The following SCML1 variants were observed in gnomAD, a reference collection of about 807,000 sequenced individuals.
SCML1 encodes Scm polycomb group protein like 1, also known as sex comb on midleg-like protein 1.
For synonymous variants in SCML1, 104 were observed against 103.6 expected, an observed-to-expected ratio of 1.00 and a Z score of -0.02; for missense variants, 137 against 258.1, an observed-to-expected ratio of 0.53 and a Z score of 3.22.
intron 6 of SCML1, among the ~76,000 whole-genome samples, 191 bp from the exon 7 acceptor site, chrX:17,751,624 A>G (rs1213738823): frequency 1.8e-5 from 2 of 112,162 alleles, no homozygotes; most frequent in African/African-American, 6.5e-5. Context: ...ACTCTTGTGT[A>G]GGCATCCCCA....
chrX:17,754,086 A>G lies in SCML1; in HGVS notation c.*694A>G, dbSNP rs2066740204. On this transcript the variant is annotated 3_prime_UTR_variant, in exon 8 of 8. Coordinates refer to ENST00000380041, the MANE Select transcript of SCML1 (RefSeq NM_001037540.3). ...AGGGTGGTTTGGATGAAGTCTGACT[A>G]CTTTTTTTCAAACAAACTATTATAT... 8.9e-6 allele frequency: 1 copy of G among 111,831 alleles called. No individual in the cohort carries two copies. The highest frequency in any genetic ancestry group is 3.2e-5 in the African/African-American group (1 of 30,803). 9.2% of individuals were successfully genotyped at this position (111,831 alleles called of 1,213,427 possible). A position where few individuals can be genotyped will look rare whatever the true frequency, so the allele number is the denominator to read the frequency against.
intron 4 of SCML1, 38 bp from the exon 5 acceptor site, chrX:17,749,362 T>C (rs760683397): frequency 6.6e-6 from 5 of 762,513 alleles, no homozygotes; most frequent in South Asian, 5.6e-5. Flanking sequence ...ATATTTTACA[T>C]TGTATACCAA....
chrX:17,754,406 T>A lies in SCML1; in HGVS notation c.*1014T>A, dbSNP rs2066743473. On this transcript the variant is annotated 3_prime_UTR_variant, in exon 8 of 8. Transcript: ENST00000380041. Reference sequence around the variant, plus strand: ...GATTATTTGCCATCATTAGTACCTCTCAACTTACTTTTTAGAGGACAAGAA... The same window carrying A: ...GATTATTTGCCATCATTAGTACCTCACAACTTACTTTTTAGAGGACAAGAA... The A allele has an allele frequency of 9.0e-6, 1 of 110,558 alleles. No individual in the cohort carries two copies. The highest frequency in any genetic ancestry group is 9.6e-5 in the Admixed American group (1 of 10,407). The allele number at this position is 110,558 out of a possible 1,213,427, so 9.1% of individuals were successfully genotyped here. A position where few individuals can be genotyped will look rare whatever the true frequency, so the allele number is the denominator to read the frequency against.
In SCML1 at chrX:17,750,254, A is replaced by C. The variant is rs772306817; in HGVS notation, c.664A>C (p.Thr222Pro). The change falls in exon 6 of 8, where the codon ACT becomes CCT. Residue 222 changes from threonine (T) to proline (P), a missense_variant. Physicochemically the swap from Thr to Pro is conservative, Grantham distance 38 (BLOSUM62 -1). Transcript: ENST00000380041. ...CCCTCGGGCTGACAGCATCCACAAC[A>C]CTTACTCAACTGACCATGCTTCTGC... The part of the protein sequence containing the change: ...GNPRADSIHN[T>P]YSTDHASAAP... 1 of 1,209,422 alleles carries C rather than the reference A, an allele frequency of 8.3e-7. No individual in the cohort carries two copies. Among genetic ancestry groups the C allele is most frequent in the Non-Finnish European group, 1.1e-6 (1 of 894,300 alleles).
In SCML1 at chrX:17,753,775, G is replaced by C. The variant is rs2066737680; in HGVS notation, c.*383G>C. On this transcript the variant is annotated 3_prime_UTR_variant, in exon 8 of 8. Transcript: ENST00000380041. ...ATCAGGGTTGACAACTCCTATGATT[G>C]AATCTATGGGAATTATTCCTCAGAA... 9.0e-6 allele frequency: 1 copy of C among 111,158 alleles called. No homozygotes were observed. The highest frequency in any genetic ancestry group is 3.3e-5 in the African/African-American group (1 of 30,516). 9.2% of individuals were successfully genotyped at this position (111,158 alleles called of 1,213,427 possible).
At chrX:17,747,693 C>T (rs61124865) in intron 4 of SCML1, among the ~76,000 whole-genome samples, 1,327 of 111,920 alleles carry the variant, frequency 0.012, 16 homozygotes, top group African/African-American at 0.041. Flanking sequence ...ACCTGTGTCA[C>T]GCCACTGGTA....
intron 1 of SCML1, 22 bp downstream of exon 1, chrX:17,737,702 C>A (rs1271536036): frequency 9.0e-6 from 1 of 111,199 alleles, no homozygotes; most frequent in Non-Finnish European, 1.9e-5. Flanking sequence ...CGTACTTTTT[C>A]CTCACCTTGA....
intron 4 of SCML1, among the ~76,000 whole-genome samples, chrX:17,747,785 A>G (rs1361830068): frequency 8.9e-6 from 1 of 111,970 alleles, no homozygotes; most frequent in East Asian, 2.8e-4. Flanking sequence ...TATTAACCTA[A>G]TACTATAGCA....
At chrX:17,750,373 T>C (rs2066697286) in intron 6 of SCML1, 80 bp downstream of exon 6, 1 of 967,016 alleles carries the variant, frequency 1.0e-6, no homozygotes, top group Non-Finnish European at 1.4e-6. Flanking sequence ...AGAATAGGTA[T>C]ACTGGATCAT....
chrX:17,739,318 G>A (rs192524175), intron 1 of SCML1, among the ~76,000 whole-genome samples: 6 of 111,802 alleles, frequency 5.4e-5, no homozygotes, highest in African/African-American at 1.3e-4. Flanking sequence ...TTGTAAAGCT[G>A]AAATTATTTA....
chrX:17,754,222 ATG>A lies in SCML1; in HGVS notation c.*834_*835del, dbSNP rs1273592644. ...CTTTTAAAAGGCATAACTGTATTTTATGTGTTTATTCTTTATATAGATAGTAT... is the reference window on the plus strand; with the variant it reads ...CTTTTAAAAGGCATAACTGTATTTTATGTTTATTCTTTATATAGATAGTAT... On this transcript the variant is annotated 3_prime_UTR_variant, in exon 8 of 8. Coordinates refer to ENST00000380041, the MANE Select transcript of SCML1 (RefSeq NM_001037540.3). 8.9e-6 allele frequency: 1 copy of A among 112,137 alleles called. No individual in the cohort carries two copies. Among genetic ancestry groups the A allele is most frequent in the Non-Finnish European group, 1.9e-5 (1 of 53,161 alleles). The allele number at this position is 112,137 out of a possible 1,213,427, so 9.2% of individuals were successfully genotyped here. A position where few individuals can be genotyped will look rare whatever the true frequency, so the allele number is the denominator to read the frequency against.
chrX:17,752,898 A>T (rs1315626221), intron 7 of SCML1, among the ~76,000 whole-genome samples: 3 of 111,591 alleles, frequency 2.7e-5, no homozygotes, highest in Non-Finnish European at 5.6e-5. Context: ...CAGAAAGTTA[A>T]TGAACATCTG....
intron 6 of SCML1, 84 bp downstream of exon 6, chrX:17,750,377 G>A: frequency 1.1e-6 from 1 of 943,949 alleles, no homozygotes; most frequent in Non-Finnish European, 1.4e-6. Flanking sequence ...TAGGTATACT[G>A]GATCATCTCT....
At chrX:17,750,908 A>C (rs111804026) in intron 6 of SCML1, among the ~76,000 whole-genome samples, 1,502 of 112,523 alleles carry the variant, frequency 0.013, 30 homozygotes, top group African/African-American at 0.046. Flanking sequence ...GTCATCACAC[A>C]CTAATTTTAG....
chrX:17,738,907 C>G (rs2066567162), intron 1 of SCML1, among the ~76,000 whole-genome samples: 1 of 111,611 alleles, frequency 9.0e-6, no homozygotes, highest in Admixed American at 9.4e-5. Flanking sequence ...TAGCCTTGGG[C>G]TCTGAGAAAA....
At position 17,745,838 on chromosome X, in the gene SCML1, C is replaced by T. The variant is rs773572131; in HGVS notation, c.118-180C>T. The T allele has an allele frequency of 2.1e-4, 70 of 330,512 alleles. No individual in the cohort carries two copies. The East Asian group carries it at 2.9e-3, about 14-fold the overall frequency. 27.2% of individuals were successfully genotyped at this position (330,512 alleles called of 1,213,427 possible). A position where few individuals can be genotyped will look rare whatever the true frequency, so the allele number is the denominator to read the frequency against. ...CCCCCTTCCTCAATTGTCAGTTTTT[C>T]ATTCTCATATTAATGTGAATTTTAA... On this transcript the variant is annotated intron_variant, in intron 3 of 7. Transcript: ENST00000380041.
chrX:17,749,443 T>C lies in SCML1; in HGVS notation c.242T>C (p.Val81Ala). 1 of 1,199,813 alleles carries C rather than the reference T, an allele frequency of 8.3e-7. No individual in the cohort carries two copies. The highest frequency in any genetic ancestry group is 3.0e-5 in the East Asian group (1 of 33,732). ...CAAAACCTGGATAAGAAGATTGATG[T>C]GATTCGTAGAAAGGTTTCAAAAATC... ...ALQNLDKKID[V>A]IRRKVSKIQR... Residue 81 changes from valine (V) to alanine (A), a missense_variant, in exon 5 of 8, where the codon GTG becomes GCG. Val to Ala is a moderately conservative substitution (Grantham distance 64, BLOSUM62 0). Transcript: ENST00000380041.
At chrX:17,750,675 G>A (rs1238748770) in intron 6 of SCML1, among the ~76,000 whole-genome samples, 1 of 112,368 alleles carries the variant, frequency 8.9e-6, no homozygotes, top group East Asian at 2.8e-4. Context: ...GAGCTGGTGA[G>A]TAGCACTTCT....
At chrX:17,741,753 G>A (rs945997350) in intron 1 of SCML1, among the ~76,000 whole-genome samples, 2 of 110,896 alleles carry the variant, frequency 1.8e-5, no homozygotes, top group Admixed American at 1.9e-4. Context: ...GAGGGATGAG[G>A]AAGGGGCTTT....
Sources: gnomAD v4.1 joint callset for allele counts (sites outside exome capture counted in the v4.1 genomes callset) on GRCh38, gnomAD v4.1.1 for gene constraint, MANE v1.5 for transcripts, NCBI Gene and HGNC (gene_info 2026-07-23, HGNC 2026-07-21) for gene names.